The following ROBO2 variants were observed in gnomAD, a reference collection of about 807,000 sequenced individuals.
ROBO2 encodes roundabout homolog 2.
Under a neutral mutation model 160.8 loss-of-function variants are expected in ROBO2, and 53 were observed. That is an observed-to-expected ratio of 0.33 (90% confidence interval 0.26 to 0.41). ROBO2 has a LOEUF of 0.41. ROBO2 is among the 10% of genes least tolerant of loss of function. The pLI is 1.00. For missense variants in ROBO2, 1,577 were observed against 1,722.4 expected, an observed-to-expected ratio of 0.92 and a Z score of 1.49; for synonymous variants, 664 against 611.7, an observed-to-expected ratio of 1.09 and a Z score of -1.26.
At chr3:76,109,499 C>T (rs189629914) in intron 2 of ROBO2, among the ~76,000 whole-genome samples, 94 of 152,050 alleles carry the variant, frequency 6.2e-4, no homozygotes, top group Non-Finnish European at 2.1e-4. Flanking sequence ...TCTGCAGACA[C>T]CTTGGAGTCA....
rs149479301 is a variant in ROBO2, at chr3:76,699,443, C to A, written c.110-398571C>A. Among the ~76,000 whole-genome samples the A allele has an allele frequency of 9.3e-4, 142 of 152,212 alleles. 3 individuals are homozygous for A. The East Asian group carries it at 0.018, about 19-fold the overall frequency. On this transcript the variant is annotated intron_variant, in intron 2 of 26. Coordinates refer to the ROBO2 transcript ENST00000487694. ...AGACTTTTTTTCTCTTTTATTTGGA[C>A]GTTCTGATATCCGGATTCCTTTTGG...
At chr3:76,250,054 T>A (rs890883650) in intron 2 of ROBO2, among the ~76,000 whole-genome samples, 1 of 152,236 alleles carries the variant, frequency 6.6e-6, no homozygotes, top group African/African-American at 2.4e-5. Context: ...GAGGGTCTCC[T>A]GGGACCAATG....
chr3:77,331,465 G>A (rs963687478), intron 2 of ROBO2, among the ~76,000 whole-genome samples: 2 of 152,130 alleles, frequency 1.3e-5, no homozygotes, highest in South Asian at 4.1e-4. Context: ...ATGTGCCCCA[G>A]AGTGTTGTAT....
At chr3:77,638,546 A>G (rs73845743) in intron 24 of ROBO2, among the ~76,000 whole-genome samples, 10,815 of 152,146 alleles carry the variant, frequency 0.071, 572 homozygotes, top group East Asian at 0.2. Flanking sequence ...CCTGTGTCCC[A>G]TAAGAGAGAT....
intron 2 of ROBO2, among the ~76,000 whole-genome samples, chr3:77,230,782 T>C (rs62253284): frequency 0.022 from 3,389 of 152,308 alleles, 50 homozygotes; most frequent in Middle Eastern, 0.048. Flanking sequence ...GAACACTTGA[T>C]GGTAAGGAAT....
At chr3:76,138,330 TAGA>T (rs1327922537) in intron 2 of ROBO2, among the ~76,000 whole-genome samples, 1 of 151,988 alleles carries the variant, frequency 6.6e-6, no homozygotes, top group Non-Finnish European at 1.5e-5. Context: ...TAATTTGAGC[TAGA>T]AGAACAAAAT....
chr3:76,287,579 C>T (rs1708569811), intron 2 of ROBO2, among the ~76,000 whole-genome samples: 1 of 152,108 alleles, frequency 6.6e-6, no homozygotes, highest in African/African-American at 2.4e-5. Context: ...GGATTACAGG[C>T]ATGAGCCGCC....
chr3:76,212,540 G>A (rs1281765632), intron 2 of ROBO2, among the ~76,000 whole-genome samples: 1 of 151,758 alleles, frequency 6.6e-6, no homozygotes, highest in Admixed American at 6.6e-5. Context: ...TTTTATCTTG[G>A]AATATTTGTT....
intron 2 of ROBO2, among the ~76,000 whole-genome samples, chr3:76,273,120 A>AATATATATATATATATATATATATAT (rs749043409): frequency 6.2e-5 from 2 of 32,356 alleles, no homozygotes; most frequent in Non-Finnish European, 1.6e-4. Context: ...CACACATATA[A>AATATATATATATATATATATATATAT]ATATATATAT....
intron 2 of ROBO2, among the ~76,000 whole-genome samples, chr3:77,135,260 G>A (rs1240269722): frequency 6.6e-6 from 1 of 152,148 alleles, no homozygotes; most frequent in Non-Finnish European, 1.5e-5. Flanking sequence ...GAAGAGTGAT[G>A]TATAGAGGCC....
At chr3:77,603,246 C>T (rs1035773684) in intron 20 of ROBO2, among the ~76,000 whole-genome samples, 1 of 152,062 alleles carries the variant, frequency 6.6e-6, no homozygotes, top group Non-Finnish European at 1.5e-5. Flanking sequence ...TCACTGTCCC[C>T]TTTTATATAC....
At chr3:76,351,654 T>A (rs531216926) in intron 2 of ROBO2, among the ~76,000 whole-genome samples, 1 of 152,108 alleles carries the variant, frequency 6.6e-6, no homozygotes, top group East Asian at 1.9e-4. Context: ...GTTTCCATAT[T>A]ATGTCTTTAT....
At chr3:77,155,052 A>AAAAT (rs752547824) in intron 2 of ROBO2, among the ~76,000 whole-genome samples, 4,007 of 151,406 alleles carry the variant, frequency 0.026, 131 homozygotes, top group African/African-American at 0.078. Context: ...TAAATTTGGG[A>AAAAT]AAATAAATAA....
At chr3:77,089,872 T>G (rs1028282234) in intron 1 of ROBO2, among the ~76,000 whole-genome samples, 3 of 152,168 alleles carry the variant, frequency 2.0e-5, no homozygotes, top group African/African-American at 4.8e-5. Context: ...GATGGAAAAG[T>G]TGTTATGGAC....
intron 2 of ROBO2, among the ~76,000 whole-genome samples, chr3:77,138,796 A>G (rs1486608070): frequency 6.6e-6 from 1 of 152,180 alleles, no homozygotes; most frequent in African/African-American, 2.4e-5. Flanking sequence ...CAAGTGGAAT[A>G]AACAGGACAA....
chr3:76,364,225 T>C (rs552143256), intron 2 of ROBO2, among the ~76,000 whole-genome samples: 1 of 152,204 alleles, frequency 6.6e-6, no homozygotes, highest in Non-Finnish European at 1.5e-5. Flanking sequence ...TCAATTTAAC[T>C]GACACTCCAG....
At position 77,196,634 on chromosome 3, in the gene ROBO2, TG is replaced by T. The variant is rs1579871219; in HGVS notation, c.388+98295del. Among the ~76,000 whole-genome samples the T allele has an allele frequency of 2.0e-5, 3 of 152,122 alleles. No individual in the cohort carries two copies. The East Asian group carries it at 5.8e-4, about 29-fold the overall frequency. On this transcript the variant is annotated intron_variant, in intron 2 of 25. Transcript: ENST00000461745. Reference sequence around the variant, plus strand: ...GTGGCAGTTCAAGGGCATATGTACATGTTATTTATTGATTTTTATTATTAAT... The same window carrying T: ...GTGGCAGTTCAAGGGCATATGTACATTTATTTATTGATTTTTATTATTAAT...
intron 2 of ROBO2, among the ~76,000 whole-genome samples, chr3:76,236,626 A>G (rs1297056466): frequency 6.6e-6 from 1 of 152,152 alleles, no homozygotes; most frequent in Non-Finnish European, 1.5e-5. Flanking sequence ...ACAAATGACA[A>G]CACTACAAGA....
chr3:76,897,584 T>C (rs1472578103), intron 2 of ROBO2, among the ~76,000 whole-genome samples: 1 of 152,142 alleles, frequency 6.6e-6, no homozygotes, highest in Non-Finnish European at 1.5e-5. Flanking sequence ...GGAAAAAAAG[T>C]ACCTCAGTTA....
Sources: allele counts gnomAD v4.1 joint callset (sites outside exome capture counted in the v4.1 genomes callset), GRCh38; gene constraint gnomAD v4.1.1; transcripts MANE v1.5; gene names NCBI Gene and HGNC (gene_info 2026-07-23, HGNC 2026-07-21).